The following DNMBP variants were observed in gnomAD, a reference collection of about 807,000 sequenced individuals.
DNMBP encodes dynamin-binding protein.
A neutral mutation model predicts 150.0 loss-of-function variants in DNMBP; 87 were observed. The ratio of observed to expected loss-of-function variants is 0.58; its 90% CI spans 0.49 to 0.69. The LOEUF is 0.69. Ranked by LOEUF, DNMBP falls within the 30% of genes least tolerant of loss-of-function variation. The probability of loss-of-function intolerance (pLI) is 0.00; values close to 1 mark genes in which losing one functional copy is unlikely to be tolerated. For synonymous variants in DNMBP, 711 were observed against 750.4 expected, an observed-to-expected ratio of 0.95 and a Z score of 0.86; for missense variants, 1,774 against 1,949.0, an observed-to-expected ratio of 0.91 and a Z score of 1.69.
intron 1 of DNMBP, among the ~76,000 whole-genome samples, chr10:99,994,306 T>C (rs1242290698): frequency 1.3e-5 from 2 of 152,206 alleles, no homozygotes; most frequent in Non-Finnish European, 2.9e-5. Flanking sequence ...TTAAATTTGA[T>C]AATGTAGGTA....
intron 4 of DNMBP, among the ~76,000 whole-genome samples, chr10:99,929,301 A>C: frequency 6.6e-6 from 1 of 152,194 alleles, no homozygotes; most frequent in East Asian, 1.9e-4. Flanking sequence ...ATGAACAAAA[A>C]CATGAAAGTA....
chr10:99,981,329 G>A (rs1004859832), intron 1 of DNMBP, among the ~76,000 whole-genome samples: 2 of 151,684 alleles, frequency 1.3e-5, no homozygotes, highest in Non-Finnish European at 3.0e-5. Flanking sequence ...TTACAGGTAT[G>A]CACCACCACA....
intron 1 of DNMBP, among the ~76,000 whole-genome samples, chr10:100,004,039 C>T (rs955563556): frequency 6.6e-6 from 1 of 150,440 alleles, no homozygotes; most frequent in Non-Finnish European, 1.5e-5. Context: ...CAAGACCGGC[C>T]TGGACAACAA....
At chr10:99,959,716 TGTG>T (rs2040541838) in intron 3 of DNMBP, among the ~76,000 whole-genome samples, 1 of 151,440 alleles carries the variant, frequency 6.6e-6, no homozygotes, top group Non-Finnish European at 1.5e-5. Flanking sequence ...AATTAGCCGG[TGTG>T]GTGGTGAGCG....
chr10:99,988,641 C>A (rs1246699275), intron 1 of DNMBP, among the ~76,000 whole-genome samples: 1 of 152,022 alleles, frequency 6.6e-6, no homozygotes, highest in Non-Finnish European at 1.5e-5. Flanking sequence ...ATATCTCTGA[C>A]AATTTTATTT....
intron 1 of DNMBP, among the ~76,000 whole-genome samples, chr10:99,987,241 G>A (rs2040837952): frequency 6.6e-6 from 1 of 150,538 alleles, no homozygotes; most frequent in Non-Finnish European, 1.5e-5. Flanking sequence ...GGTGGCTCAT[G>A]CTTGTAATCC....
chr10:99,878,999 C>T (rs1227526844), intron 16 of DNMBP, among the ~76,000 whole-genome samples: 2 of 141,032 alleles, frequency 1.4e-5, no homozygotes, highest in African/African-American at 2.6e-5. Flanking sequence ...GCAGGAGAAT[C>T]GCTTGAACCT....
intron 4 of DNMBP, among the ~76,000 whole-genome samples, chr10:99,951,247 G>A (rs1356654493): frequency 2.0e-5 from 3 of 152,242 alleles, no homozygotes; most frequent in African/African-American, 7.2e-5. Context: ...GTATGGAAAT[G>A]CCTGGATGTC....
chr10:99,964,211 C>T (rs2040594388), intron 3 of DNMBP, among the ~76,000 whole-genome samples: 3 of 138,840 alleles, frequency 2.2e-5, no homozygotes, highest in Non-Finnish European at 3.0e-5. Context: ...GGTGCGATCT[C>T]GGCTCGCTGC....
intron 1 of DNMBP, among the ~76,000 whole-genome samples, chr10:99,998,078 A>C (rs1187275587): frequency 6.6e-6 from 1 of 151,532 alleles, no homozygotes; most frequent in Non-Finnish European, 1.5e-5. Flanking sequence ...TACTAAAAAT[A>C]CAAAAAATTA....
At chr10:99,947,910 G>A (rs1477649931) in intron 4 of DNMBP, among the ~76,000 whole-genome samples, 1 of 152,114 alleles carries the variant, frequency 6.6e-6, no homozygotes, top group African/African-American at 2.4e-5. Flanking sequence ...TTAAGGTTAG[G>A]AGAAGCTGAG....
At chr10:100,008,078 C>G (rs867725563) in intron 1 of DNMBP, among the ~76,000 whole-genome samples, 1 of 152,058 alleles carries the variant, frequency 6.6e-6, no homozygotes, top group Non-Finnish European at 1.5e-5. Context: ...AATACTAAAC[C>G]TAGAAAATAA....
rs200836314 is a variant in DNMBP at position 99,991,081 on chromosome 10, ATT to A, written c.-11+18755_-11+18756del. On this transcript the variant is annotated intron_variant, in intron 1 of 16. Coordinates refer to ENST00000324109, the MANE Select transcript of DNMBP (RefSeq NM_015221.4). The stretch of plus-strand genomic sequence containing the variant: ...TTAGAACTTCAAAACCTCATAAAGA[ATT>A]TTTTTTTTTTTTTGAGATGAAGTCT... 6.2e-5 allele frequency among the ~76,000 whole-genome samples: 9 copies of A among 144,250 alleles called. No homozygotes were observed. In the South Asian group the frequency reaches 8.9e-4, roughly 14 times the overall value. 94.6% of individuals were successfully genotyped at this position (144,250 alleles called of 152,430 possible). A position where few individuals can be genotyped will look rare whatever the true frequency, so the allele number is the denominator to read the frequency against.
intron 1 of DNMBP, among the ~76,000 whole-genome samples, chr10:99,995,072 T>TG (rs35471129): frequency 0.3 from 44,609 of 147,886 alleles, 6,782 homozygotes; most frequent in Non-Finnish European, 0.33. Flanking sequence ...TTTTTTTTTT[T>TG]GAGACAGTCT....
chr10:99,917,257 T>G (rs1322757003), intron 4 of DNMBP, among the ~76,000 whole-genome samples: 1 of 152,114 alleles, frequency 6.6e-6, no homozygotes, highest in African/African-American at 2.4e-5. Context: ...CTCTGGAGGC[T>G]GAGACAGGAG....
At chr10:99,959,086 G>T (rs2040532114) in intron 3 of DNMBP, among the ~76,000 whole-genome samples, 1 of 152,074 alleles carries the variant, frequency 6.6e-6, no homozygotes, top group Non-Finnish European at 1.5e-5. Flanking sequence ...ATAGAATCTG[G>T]TTTTCTTTTA....
In DNMBP at chr10:99,884,206, T is replaced by C; in HGVS notation, c.3802A>G (p.Ser1268Gly). Reference protein sequence around the residue: ...SARKPLLGLPSYMLQSEELRA... With the variant: ...SARKPLLGLPGYMLQSEELRA... ...AGTTCTTCTGACTGTAGCATGTAAC[T>C]TGGCTGAAAGGTAAGACGTTAACAA... Residue 1268 changes from serine (S) to glycine (G), a missense_variant, in exon 15 of 17, where the codon AGT (serine) becomes GGT (glycine). Physicochemically the swap from Ser to Gly is moderately conservative, Grantham distance 56. This residue lies in a region of DNMBP where 1,430 missense variants were observed against 1,492.5 expected (regional missense o/e 0.96). Coordinates refer to ENST00000324109, the MANE Select transcript of DNMBP (RefSeq NM_015221.4). 1 of 1,612,138 alleles carries C rather than the reference T, an allele frequency of 6.2e-7. No homozygotes were observed. Among genetic ancestry groups the C allele is most frequent in the Non-Finnish European group, 8.5e-7 (1 of 1,179,210 alleles).
intron 12 of DNMBP, 113 bp from the exon 13 acceptor site, chr10:99,886,745 T>C (rs2039473464): frequency 1.3e-5 from 12 of 947,380 alleles, no homozygotes; most frequent in East Asian, 2.4e-5. Context: ...ACTTCGTTTC[T>C]AGTACACAAG....
intron 11 of DNMBP, among the ~76,000 whole-genome samples, chr10:99,894,182 A>G (rs990683558): frequency 3.9e-5 from 6 of 152,032 alleles, no homozygotes; most frequent in Non-Finnish European, 8.8e-5. Flanking sequence ...AGGTGGGAGG[A>G]TTGCTTGAGC....
Sources: allele counts gnomAD v4.1 joint callset (sites outside exome capture counted in the v4.1 genomes callset), GRCh38; gene constraint gnomAD v4.1.1; regional missense constraint gnomAD v4.1.1; transcripts MANE v1.5; gene names NCBI Gene and HGNC (gene_info 2026-07-23, HGNC 2026-07-21).